MACROD2: variants seen among roughly 807,000 people sequenced by gnomAD.
MACROD2 encodes the protein ADP-ribose glycohydrolase MACROD2.
MACROD2 carries 36 observed loss-of-function variants against 70.4 expected under a neutral mutation model. The ratio of observed to expected loss-of-function variants is 0.51; its 90% confidence interval spans 0.39 to 0.68. The LOEUF (loss-of-function observed/expected upper bound fraction) is 0.68. MACROD2 is among the 30% of genes least tolerant of loss of function. MACROD2 has a pLI of 0.00. For synonymous variants in MACROD2, 172 were observed against 178.8 expected (o/e 0.96, Z 0.30); for missense variants, 496 against 538.4 (o/e 0.92, Z 0.78).
At position 14,848,276 on chromosome 20, in the gene MACROD2, A is replaced by G. The variant is rs146275579; in HGVS notation, c.418+163317A>G. ...CTTGTACACATCCACTGTCAAATAT[A>G]CTTCTGCATACATATACTCTTGGAT... On this transcript the variant is annotated intron_variant, in intron 5 of 17. Coordinates refer to ENST00000684519, the MANE Select transcript of MACROD2 (RefSeq NM_001351661.2). Among the ~76,000 whole-genome samples the G allele has an allele frequency of 2.1e-3, 317 of 152,290 alleles. 4 individuals carry two copies. Among genetic ancestry groups the G allele is most frequent in the African/African-American group, 7.4e-3 (308 of 41,566 alleles).
intron 5 of MACROD2, chr20:14,929,311 G>C (rs1284259878): frequency 6.6e-6 from 1 of 152,102 alleles, no homozygotes; most frequent in Non-Finnish European, 1.5e-5. Flanking sequence ...GGTTTCTCAC[G>C]ATTCCCTCAA....
chr20:15,213,897 TC>T (rs1364649614), intron 5 of MACROD2, among the ~76,000 whole-genome samples: 1 of 151,832 alleles, frequency 6.6e-6, no homozygotes, highest in East Asian at 1.9e-4. Flanking sequence ...TTTTCTGTTT[TC>T]TTTTTTTTTT....
At chr20:15,991,236 CT>C (rs1192327546) in intron 15 of MACROD2, among the ~76,000 whole-genome samples, 2 of 152,296 alleles carry the variant, frequency 1.3e-5, no homozygotes, top group African/African-American at 2.4e-5. Context: ...TGGGAAACAT[CT>C]TTTTTTGCAA....
chr20:15,946,830 T>C, intron 12 of MACROD2, among the ~76,000 whole-genome samples: 1 of 152,146 alleles, frequency 6.6e-6, no homozygotes, highest in Admixed American at 6.5e-5. Flanking sequence ...GTCTCTGAGT[T>C]CCCTCAGTAT....
intron 3 of MACROD2, among the ~76,000 whole-genome samples, chr20:14,192,794 A>C (rs2081399224): frequency 6.6e-6 from 1 of 152,162 alleles, no homozygotes; most frequent in Non-Finnish European, 1.5e-5. Context: ...TTGGCAAATT[A>C]CTGGACTGGG....
At chr20:15,216,272 C>T (rs1341875864) in intron 5 of MACROD2, among the ~76,000 whole-genome samples, 1 of 152,036 alleles carries the variant, frequency 6.6e-6, no homozygotes, top group African/African-American at 2.4e-5. Flanking sequence ...GTGATTATTA[C>T]ATATTACATG....
intron 15 of MACROD2, among the ~76,000 whole-genome samples, chr20:16,015,285 C>G (rs1462238816): frequency 6.6e-6 from 1 of 152,120 alleles, no homozygotes; most frequent in Non-Finnish European, 1.5e-5. Context: ...GCACTCTTCC[C>G]AGAAGTAACA....
intron 6 of MACROD2, among the ~76,000 whole-genome samples, chr20:15,320,161 G>T (rs2077858735): frequency 6.6e-6 from 1 of 152,030 alleles, no homozygotes; most frequent in Non-Finnish European, 1.5e-5. Context: ...CCAAGATTTT[G>T]CCACTGCACT....
At chr20:15,576,224 G>A (rs2048445540) in intron 8 of MACROD2, among the ~76,000 whole-genome samples, 1 of 151,908 alleles carries the variant, frequency 6.6e-6, no homozygotes, top group African/African-American at 2.4e-5. Context: ...AAGAGATTCA[G>A]AACAATCTCA....
At chr20:14,180,805 C>T (rs2081299344) in intron 3 of MACROD2, among the ~76,000 whole-genome samples, 1 of 151,882 alleles carries the variant, frequency 6.6e-6, no homozygotes, top group African/African-American at 2.4e-5. Flanking sequence ...TAGTAAATTG[C>T]TCAAATATTA....
intron 2 of MACROD2, among the ~76,000 whole-genome samples, chr20:14,060,395 G>T (rs2053678378): frequency 6.6e-6 from 1 of 152,112 alleles, no homozygotes; most frequent in South Asian, 2.1e-4. Flanking sequence ...AACATTACCA[G>T]ACCTTTTAGC....
At chr20:14,743,060 C>T (rs1489141142) in intron 5 of MACROD2, among the ~76,000 whole-genome samples, 4 of 152,078 alleles carry the variant, frequency 2.6e-5, no homozygotes, top group Non-Finnish European at 4.4e-5. Context: ...GCCACCGCGC[C>T]CGGCCTATAA....
chr20:15,717,931 C>A (rs2050729128), intron 8 of MACROD2, among the ~76,000 whole-genome samples: 1 of 151,884 alleles, frequency 6.6e-6, no homozygotes, highest in Non-Finnish European at 1.5e-5. Flanking sequence ...GAAAGGCTGA[C>A]AACTAGTAGT....
At chr20:15,444,100 G>T (rs567105542) in intron 7 of MACROD2, among the ~76,000 whole-genome samples, 42 of 152,070 alleles carry the variant, frequency 2.8e-4, no homozygotes, top group Middle Eastern at 3.4e-3. Flanking sequence ...TTGGGCAACT[G>T]CTAATCTACA....
chr20:15,753,250 T>C (rs919562598), intron 8 of MACROD2, among the ~76,000 whole-genome samples: 5 of 152,212 alleles, frequency 3.3e-5, no homozygotes, highest in Non-Finnish European at 7.4e-5. Flanking sequence ...GCATCACACC[T>C]AACAGGAAGC....
chr20:14,008,150 C>G (rs2263680), intron 2 of MACROD2, among the ~76,000 whole-genome samples: 146,620 of 152,208 alleles, frequency 0.96, 70,745 homozygotes, highest in East Asian at 1. Context: ...TGAGGTAAAG[C>G]GTATTCAGCT....
intron 4 of MACROD2, among the ~76,000 whole-genome samples, chr20:14,575,537 CAT>C (rs1980540750): frequency 6.6e-6 from 1 of 152,140 alleles, no homozygotes; most frequent in African/African-American, 2.4e-5. Flanking sequence ...CCCTGGACCA[CAT>C]GTTAGAAATG....
intron 4 of MACROD2, among the ~76,000 whole-genome samples, chr20:14,578,123 A>C (rs539287804): frequency 6.6e-6 from 1 of 151,486 alleles, no homozygotes; most frequent in South Asian, 2.1e-4. Flanking sequence ...TCCAAGAGGA[A>C]AGAGAATTGT....
chr20:15,991,992 T>C (rs2066565048), intron 15 of MACROD2, among the ~76,000 whole-genome samples: 1 of 152,214 alleles, frequency 6.6e-6, no homozygotes, highest in African/African-American at 2.4e-5. Flanking sequence ...TGTAAACATA[T>C]AGAACCAGTT....
Sources: gnomAD v4.1 joint callset for allele counts (sites outside exome capture counted in the v4.1 genomes callset) on GRCh38, gnomAD v4.1.1 for gene constraint, MANE v1.5 for transcripts, NCBI Gene and HGNC (gene_info 2026-07-23, HGNC 2026-07-21) for gene names.